The following PAX5 variants were observed in gnomAD, a reference collection of about 807,000 sequenced individuals.
PAX5 encodes paired box protein Pax-5.
PAX5 carries 9 observed loss-of-function variants against 43.7 expected under a neutral mutation model. The ratio of observed to expected loss-of-function variants is 0.21; its 90% CI spans 0.12 to 0.36. PAX5 has a LOEUF of 0.36. Ranked by LOEUF, PAX5 falls within the 10% of genes least tolerant of loss-of-function variation. The pLI is 1.00. For synonymous variants in PAX5, 228 were observed against 214.3 expected, an observed-to-expected ratio of 1.06 and a Z score of -0.56; for missense variants, 383 against 532.7, an observed-to-expected ratio of 0.72 and a Z score of 2.77.
At chr9:36,852,687 C>T (rs1030076381) in intron 8 of PAX5, among the ~76,000 whole-genome samples, 2 of 152,228 alleles carry the variant, frequency 1.3e-5, no homozygotes, top group Admixed American at 6.5e-5. Flanking sequence ...TGCCTAACCC[C>T]GAGCAATGCA....
At chr9:36,850,190 G>A (rs1421701200) in intron 8 of PAX5, among the ~76,000 whole-genome samples, 1 of 152,258 alleles carries the variant, frequency 6.6e-6, no homozygotes, top group Non-Finnish European at 1.5e-5. Flanking sequence ...CAGCTGCAGG[G>A]CAGAGCAGGC....
At chr9:37,019,659 A>G (rs1162120054) in intron 2 of PAX5, among the ~76,000 whole-genome samples, 1 of 152,256 alleles carries the variant, frequency 6.6e-6, no homozygotes, top group African/African-American at 2.4e-5. Context: ...TGCTCAAACC[A>G]TAATGCAAAC....
intron 3 of PAX5, among the ~76,000 whole-genome samples, chr9:37,009,193 T>C (rs1435159352): frequency 6.6e-6 from 1 of 152,210 alleles, no homozygotes; most frequent in Non-Finnish European, 1.5e-5. Context: ...TTATCAATTG[T>C]TATAAATCAT....
Position 36,840,233 on chromosome 9 carries a change from T to G in PAX5, c.*327A>C. 1 of 502,028 alleles carries G rather than the reference T, an allele frequency of 2.0e-6. No individual in the cohort carries two copies. Among genetic ancestry groups the G allele is most frequent in the Non-Finnish European group, 3.6e-6 (1 of 279,800 alleles). The allele number at this position is 502,028 out of a possible 1,614,324, so 31.1% of individuals were successfully genotyped here. A position where few individuals can be genotyped will look rare whatever the true frequency, so the allele number is the denominator to read the frequency against. On this transcript the variant is annotated 3_prime_UTR_variant, in exon 10 of 10. Coordinates refer to ENST00000358127, the MANE Select transcript of PAX5 (RefSeq NM_016734.3). ...CCTTCCCAGGCTGGGGTGGTTATGATGGATGGATAGTCAGACAGCTGGAGG... is the reference window on the plus strand; with the variant it reads ...CCTTCCCAGGCTGGGGTGGTTATGAGGGATGGATAGTCAGACAGCTGGAGG...
chr9:37,014,695 T>C (rs1839243531), intron 3 of PAX5, among the ~76,000 whole-genome samples: 1 of 152,134 alleles, frequency 6.6e-6, no homozygotes, highest in South Asian at 2.1e-4. Context: ...TGTGAAGTGT[T>C]CCACACATAT....
rs1368612655 is a variant in PAX5, at chr9:36,835,747, G to C, written c.*4813C>G. On this transcript the variant is annotated 3_prime_UTR_variant, in exon 10 of 10. Coordinates refer to ENST00000358127, the MANE Select transcript of PAX5 (RefSeq NM_016734.3). ...GCTGGTGTGTGGCTGGGAACCATCA[G>C]AGCAGCCTCTCGATGGGTGACAAGG... is the stretch of plus-strand genomic sequence containing the variant. 4.3e-6 allele frequency: 1 copy of C among 233,326 alleles called. No homozygotes were observed. 14.5% of individuals were successfully genotyped at this position (233,326 alleles called of 1,614,324 possible).
intron 7 of PAX5, among the ~76,000 whole-genome samples, chr9:36,898,644 G>A (rs1019603100): frequency 6.6e-6 from 1 of 152,270 alleles, no homozygotes; most frequent in African/African-American, 2.4e-5. Context: ...TTTTGTCCTC[G>A]GATGCACATT....
At chr9:36,946,805 A>G (rs1301142455) in intron 6 of PAX5, among the ~76,000 whole-genome samples, 3 of 152,156 alleles carry the variant, frequency 2.0e-5, no homozygotes, top group Non-Finnish European at 1.5e-5. Context: ...TTCTTTACCA[A>G]CCACCAGCAG....
intron 8 of PAX5, among the ~76,000 whole-genome samples, chr9:36,850,585 C>G (rs542173317): frequency 6.6e-6 from 1 of 152,348 alleles, no homozygotes; most frequent in Admixed American, 6.5e-5. Flanking sequence ...CTCCTTCTAA[C>G]TGACCCACAC....
At chr9:36,952,593 G>C (rs1833105602) in intron 6 of PAX5, among the ~76,000 whole-genome samples, 1 of 152,036 alleles carries the variant, frequency 6.6e-6, no homozygotes, top group Non-Finnish European at 1.5e-5. Context: ...AACTGAACGT[G>C]TCATACAATT....
chr9:36,969,151 G>T lies in PAX5; in HGVS notation c.605-2427C>A, dbSNP rs557235785. On this transcript the variant is annotated intron_variant, in intron 5 of 9. Coordinates refer to ENST00000358127, the MANE Select transcript of PAX5 (RefSeq NM_016734.3). ...ATACTTCCCAGCCCTGACCCTGCCA[G>T]CCGGGCCCAAAACTCAGTGAAACCT... Among the ~76,000 whole-genome samples, 29 of 151,826 alleles carry T rather than the reference G, an allele frequency of 1.9e-4. 1 individual carries two copies. In the South Asian group the frequency reaches 5.9e-3, roughly 31 times the overall value.
intron 7 of PAX5, among the ~76,000 whole-genome samples, chr9:36,900,462 G>T (rs1828280022): frequency 6.6e-6 from 1 of 152,234 alleles, no homozygotes; most frequent in African/African-American, 2.4e-5. Flanking sequence ...TGGTTCTGTG[G>T]CCCTCTTGGA....
chr9:36,896,329 A>T (rs1427222510), intron 7 of PAX5, among the ~76,000 whole-genome samples: 2 of 151,780 alleles, frequency 1.3e-5, no homozygotes, highest in Non-Finnish European at 2.9e-5. Context: ...AGAAAGTCCA[A>T]ACAGACAACG....
chr9:36,906,154 ACCCC>A (rs1828805851), intron 7 of PAX5, among the ~76,000 whole-genome samples: 1 of 151,510 alleles, frequency 6.6e-6, no homozygotes, highest in South Asian at 2.1e-4. Context: ...AGAATAATCC[ACCCC>A]CCACCCCAGG....
chr9:37,020,839 A>G (rs375399920), intron 1 of PAX5, 38 bp from the exon 2 acceptor site: 1,047 of 1,606,770 alleles, frequency 6.5e-4, no homozygotes, highest in Non-Finnish European at 8.5e-4. Context: ...GGGAAAGGGT[A>G]GTTAGAACCA....
chr9:37,001,011 T>C (rs1360165), intron 5 of PAX5, among the ~76,000 whole-genome samples: 73,812 of 152,018 alleles, frequency 0.49, 18,473 homozygotes, highest in Middle Eastern at 0.7. Flanking sequence ...TTTGTCACCG[T>C]CCCTCTTAAA....
At chr9:36,890,450 G>A (rs1827282947) in intron 7 of PAX5, among the ~76,000 whole-genome samples, 1 of 152,216 alleles carries the variant, frequency 6.6e-6, no homozygotes, top group Admixed American at 6.5e-5. Flanking sequence ...AACTCTGTCT[G>A]CTGGGGACTC....
Position 37,034,231 on chromosome 9 carries a change from A to G in PAX5, c.-200T>C, listed in dbSNP as rs1841322376. 4 of 574,286 alleles carry G rather than the reference A, an allele frequency of 7.0e-6. No homozygotes were observed. Among genetic ancestry groups the G allele is most frequent in the South Asian group, 4.5e-5 (2 of 44,196 alleles). 35.6% of individuals were successfully genotyped at this position (574,286 alleles called of 1,614,324 possible). A position where few individuals can be genotyped will look rare whatever the true frequency, so the allele number is the denominator to read the frequency against. ...TGAAACTAAACGTTTTAGGTGGAAAAAAAGCGTCCGAAGGCACCGTGAAAT... is the reference window on the plus strand; with the variant it reads ...TGAAACTAAACGTTTTAGGTGGAAAGAAAGCGTCCGAAGGCACCGTGAAAT... On this transcript the variant is annotated 5_prime_UTR_variant, in exon 1 of 10. Coordinates refer to ENST00000358127, the MANE Select transcript of PAX5 (RefSeq NM_016734.3).
At chr9:36,967,032 G>C (rs1834504419) in intron 5 of PAX5, among the ~76,000 whole-genome samples, 2 of 152,206 alleles carry the variant, frequency 1.3e-5, no homozygotes, top group Admixed American at 6.5e-5. Context: ...AGAAGACTGA[G>C]ACCTAGAGAG....
Sources: allele counts gnomAD v4.1 joint callset (sites outside exome capture counted in the v4.1 genomes callset), GRCh38; gene constraint gnomAD v4.1.1; transcripts MANE v1.5; gene names NCBI Gene and HGNC (gene_info 2026-07-23, HGNC 2026-07-21).